The following PFKFB4 variants were observed in gnomAD, a reference collection of about 807,000 sequenced individuals.
The protein encoded by PFKFB4 is 6-phosphofructo-2-kinase/fructose-2,6-bisphosphatase 4.
In PFKFB4, 42 loss-of-function variants were observed where a neutral mutation model predicts 62.8. The observed-to-expected ratio is 0.67, with a 90% confidence interval of 0.52 to 0.86. The LOEUF (loss-of-function observed/expected upper bound fraction) is 0.86. PFKFB4 is among the 40% of genes least tolerant of loss of function. PFKFB4 has a pLI of 0.00. For missense variants in PFKFB4, 475 were observed against 627.2 expected (o/e 0.76, Z 2.59); for synonymous variants, 204 against 240.7 (o/e 0.85, Z 1.41).
chr3:48,528,660 TCAAA>T (rs537395906), intron 9 of PFKFB4, among the ~76,000 whole-genome samples: 7 of 152,246 alleles, frequency 4.6e-5, no homozygotes, highest in South Asian at 4.1e-4. Context: ...AGACCCTGTC[TCAAA>T]CAAACAAACA....
chr3:48,523,527 G>A lies in PFKFB4; in HGVS notation c.1285+10C>T. ...GCTACCCATGGTCAATGTGCAGGAA[G>A]CTTCCTTACCATATGCCACAGGAGT... On this transcript the variant is annotated intron_variant, in intron 12 of 13. Transcript: ENST00000232375. The A allele has an allele frequency of 6.2e-7, 1 of 1,613,174 alleles. No individual in the cohort carries two copies.
chr3:48,532,152 CA>C (rs960628368), intron 9 of PFKFB4, among the ~76,000 whole-genome samples: 1 of 151,686 alleles, frequency 6.6e-6, no homozygotes, highest in Non-Finnish European at 1.5e-5. Flanking sequence ...ACTAAAAATA[CA>C]AAAAAAATTA....
chr3:48,529,946 C>A (rs1321742903), intron 9 of PFKFB4, among the ~76,000 whole-genome samples: 1 of 151,412 alleles, frequency 6.6e-6, no homozygotes, highest in Admixed American at 6.6e-5. Context: ...AGAGCCAGAC[C>A]CTGTTTCAAA....
At chr3:48,550,986 C>T (rs762460782) in intron 1 of PFKFB4, among the ~76,000 whole-genome samples, 3 of 152,172 alleles carry the variant, frequency 2.0e-5, no homozygotes, top group Non-Finnish European at 4.4e-5. Context: ...AGGGTAAGGA[C>T]CACAAGGGGT....
At chr3:48,562,803 G>C (rs749118149), upstream of PFKFB4, 4 of 1,556,878 alleles carry the variant, frequency 2.6e-6, no homozygotes, top group Non-Finnish European at 3.5e-6. This position sits in a 1 kb window ranked among gnomAD's most constrained non-coding sequence, Gnocchi z 4.3. Flanking sequence ...TGGCCGACAC[G>C]GGCCAGGATG....
intron 9 of PFKFB4, among the ~76,000 whole-genome samples, chr3:48,534,862 G>A (rs1344048561): frequency 6.6e-6 from 1 of 151,500 alleles, no homozygotes. Context: ...AGGCTGGAGT[G>A]CAGTGGCACA....
At chr3:48,544,266 AG>A (rs2042891557) in intron 3 of PFKFB4, among the ~76,000 whole-genome samples, 1 of 151,994 alleles carries the variant, frequency 6.6e-6, no homozygotes. Context: ...GAGGAACACT[AG>A]GGCTGGCCCT....
intron 3 of PFKFB4, among the ~76,000 whole-genome samples, chr3:48,545,924 T>C (rs1383040741): frequency 6.6e-6 from 1 of 152,190 alleles, no homozygotes; most frequent in African/African-American, 2.4e-5. Context: ...AGATCTCTTT[T>C]GTGGGCTGCT....
Position 48,549,974 on chromosome 3 carries a change from G to A in PFKFB4, c.215-14C>T. 6.3e-7 allele frequency: 1 copy of A among 1,598,670 alleles called. No homozygotes were observed. The highest frequency in any genetic ancestry group is 8.6e-7 in the Non-Finnish European group (1 of 1,165,912). ...CAACATTGAACTCTGGAGGGAAGGA[G>A]AGGCTCAGCTTTCACAGCAACAGCA... On this transcript the variant is annotated splice_polypyrimidine_tract_variant and intron_variant, in intron 2 of 13. Transcript: ENST00000232375.
At position 48,535,672 on chromosome 3, in the gene PFKFB4, T is replaced by G. The variant is rs757923471; in HGVS notation, c.841-14A>C. The G allele has an allele frequency of 3.1e-6, 5 of 1,614,070 alleles. No homozygotes were observed. The South Asian group carries it at 5.5e-5, about 18-fold the overall frequency. On this transcript the variant is annotated splice_polypyrimidine_tract_variant and intron_variant, in intron 8 of 13. Transcript: ENST00000232375. ...ACTCTTGGCAAACTGAAATACATCATAAGCAAACTCAGACCCACAGGTCTT... is the reference window on the plus strand; with the variant it reads ...ACTCTTGGCAAACTGAAATACATCAGAAGCAAACTCAGACCCACAGGTCTT...
chr3:48,530,489 G>T (rs2042396324), intron 9 of PFKFB4, among the ~76,000 whole-genome samples: 1 of 151,144 alleles, frequency 6.6e-6, no homozygotes, highest in South Asian at 2.1e-4. Context: ...AAAGACTATT[G>T]GAATAAAAAC....
intron 3 of PFKFB4, among the ~76,000 whole-genome samples, chr3:48,549,449 C>T (rs2043060106): frequency 6.6e-6 from 1 of 152,144 alleles, no homozygotes; most frequent in African/African-American, 2.4e-5. Flanking sequence ...CAGCAGCAGC[C>T]ATCCCCACGG....
upstream of PFKFB4, chr3:48,556,901 T>C (rs2043343246): frequency 7.0e-7 from 1 of 1,420,104 alleles, no homozygotes; most frequent in African/African-American, 1.5e-5. The surrounding 1 kb of genome is among the most constrained non-coding windows in gnomAD (Gnocchi z 5.7). Flanking sequence ...ATGTCTATCT[T>C]CCCGCAGGTC....
At position 48,556,769 on chromosome 3, in the gene PFKFB4, G is replaced by A. The variant is rs755616453; in HGVS notation, c.9C>T (p.Ser3=). ...GGGGGTTCTGTGTCAATTCCCGTGGGGACGCCATCCCGGGGCCGGGATGAG... is the reference window on the plus strand; with the variant it reads ...GGGGGTTCTGTGTCAATTCCCGTGGAGACGCCATCCCGGGGCCGGGATGAG... MA[S]PRELTQNPLK... Residue 3 remains serine (S), a synonymous_variant, in exon 1 of 14, where the codon TCC becomes TCT. Coordinates refer to ENST00000232375, the MANE Select transcript of PFKFB4 (RefSeq NM_004567.4). The surrounding 1 kb of genome is among the most constrained non-coding windows in gnomAD (Gnocchi z 5.7). 4 of 1,600,132 alleles carry A rather than the reference G, an allele frequency of 2.5e-6. No homozygotes were observed. Among genetic ancestry groups the A allele is most frequent in the Middle Eastern group, 1.7e-4 (1 of 6,020 alleles).
At chr3:48,562,712 C>T (rs78159609), upstream of PFKFB4, 47,565 of 1,373,114 alleles carry the variant, frequency 0.035, 992 homozygotes, top group Non-Finnish European at 0.04. The surrounding 1 kb of genome is among the most constrained non-coding windows in gnomAD (Gnocchi z 4.3). Context: ...TGGCAGCATC[C>T]GTCCAGCTGT....
upstream of PFKFB4, chr3:48,559,389 G>A (rs772003733): frequency 2.6e-6 from 1 of 391,978 alleles, no homozygotes; most frequent in Non-Finnish European, 5.2e-6. Context: ...GTCAGGAAGA[G>A]GGAGAAGGGT....
intron 1 of PFKFB4, among the ~76,000 whole-genome samples, chr3:48,555,117 C>T (rs1203334232): frequency 6.6e-6 from 1 of 152,012 alleles, no homozygotes; most frequent in Non-Finnish European, 1.5e-5. Flanking sequence ...AGCAGCCACC[C>T]CCCTAAGTCA....
intron 3 of PFKFB4, among the ~76,000 whole-genome samples, chr3:48,547,241 TA>T: frequency 6.6e-6 from 1 of 152,292 alleles, no homozygotes; most frequent in East Asian, 1.9e-4. Flanking sequence ...TTTATATGTG[TA>T]GGTGCCCACA....
At chr3:48,562,798 GAC>G (rs1452801823), upstream of PFKFB4, 6 of 1,552,730 alleles carry the variant, frequency 3.9e-6, no homozygotes, top group Middle Eastern at 1.7e-4. This position sits in a 1 kb window ranked among gnomAD's most constrained non-coding sequence, Gnocchi z 4.3. Context: ...AGCAGTGGCC[GAC>G]ACGGGCCAGG....
Sources: gnomAD v4.1 joint callset for allele counts (sites outside exome capture counted in the v4.1 genomes callset) on GRCh38, gnomAD v4.1.1 for gene constraint, Gnocchi (gnomAD v3.1) non-coding constraint, MANE v1.5 for transcripts, NCBI Gene and HGNC (gene_info 2026-07-23, HGNC 2026-07-21) for gene names.